The following DNAH12 variants were observed in gnomAD, a reference collection of about 807,000 sequenced individuals.
DNAH12 encodes axonemal beta dynein heavy chain 12.
DNAH12 carries 285 observed loss-of-function variants against 371.5 expected under a neutral mutation model. That is an observed-to-expected ratio of 0.77 (90% CI 0.70 to 0.85). The LOEUF (loss-of-function observed/expected upper bound fraction) is 0.85, where lower values mean the gene tolerates loss of function less well. DNAH12 is among the 40% of genes least tolerant of loss of function. DNAH12 has a pLI of 0.00. For synonymous variants in DNAH12, 1,200 were observed against 1,213.0 expected, an observed-to-expected ratio of 0.99 and a Z score of 0.22; for missense variants, 3,611 against 3,689.4, an observed-to-expected ratio of 0.98 and a Z score of 0.55.
intron 62 of DNAH12, among the ~76,000 whole-genome samples, chr3:57,328,671 C>T (rs1175886931): frequency 1.4e-5 from 2 of 143,790 alleles, no homozygotes; most frequent in South Asian, 4.7e-4. Context: ...TGCCCTCTCT[C>T]ACCACTCCTA....
intron 65 of DNAH12, among the ~76,000 whole-genome samples, chr3:57,316,905 AC>A (rs1485716026): frequency 4.6e-5 from 7 of 152,136 alleles, no homozygotes; most frequent in Admixed American, 4.6e-4. Flanking sequence ...TTTATAAATT[AC>A]CCAGTCTCAG....
chr3:57,323,062 G>C lies in DNAH12; in HGVS notation c.10328C>G (p.Ser3443Cys), dbSNP rs918398116. The C allele has an allele frequency of 1.2e-5, 18 of 1,552,302 alleles. No individual in the cohort carries two copies. The highest frequency in any genetic ancestry group is 1.7e-4 in the Middle Eastern group (1 of 6,020). Residue 3443 changes from serine (S) to cysteine (C), a missense_variant, in exon 64 of 74, where the codon TCT (serine) becomes TGT (cysteine). Physicochemically the swap from Ser to Cys is moderately radical, Grantham distance 112. Transcript: ENST00000495027. ...MLEKICEDFT[S>C]ETCNSSFRLW... ...CCTAAAGGATGAGTTACAGGTTTCAGAGGTAAAATCTTCACATATTTTTTC... is the reference window on the plus strand; with the variant it reads ...CCTAAAGGATGAGTTACAGGTTTCACAGGTAAAATCTTCACATATTTTTTC...
At chr3:57,444,651 G>A (rs2065418897) in intron 29 of DNAH12, 46 bp downstream of exon 29, 1 of 1,540,328 alleles carries the variant, frequency 6.5e-7, no homozygotes, top group African/African-American at 1.4e-5. Context: ...TGAGTCATCG[G>A]ATGAATTTAT....
At chr3:57,489,897 C>T (rs1275028748) in intron 11 of DNAH12, among the ~76,000 whole-genome samples, 1 of 151,968 alleles carries the variant, frequency 6.6e-6, no homozygotes, top group Non-Finnish European at 1.5e-5. Context: ...ATATCCAATA[C>T]GATACCATTC....
intron 60 of DNAH12, among the ~76,000 whole-genome samples, chr3:57,335,533 TG>T (rs1199248862): frequency 5.9e-5 from 9 of 152,214 alleles, no homozygotes; most frequent in African/African-American, 2.2e-4. Flanking sequence ...CAAATCTAGA[TG>T]GTGTATATGG....
At chr3:57,387,654 C>G (rs1359129865) in intron 45 of DNAH12, among the ~76,000 whole-genome samples, 1 of 152,118 alleles carries the variant, frequency 6.6e-6, no homozygotes, top group Non-Finnish European at 1.5e-5. Flanking sequence ...CCTAGACTCC[C>G]TTGGAATTCA....
Position 57,360,674 on chromosome 3 carries a change from C to T in DNAH12, c.9360+2920G>A, listed in dbSNP as rs1030545909. 9.3e-5 allele frequency among the ~76,000 whole-genome samples: 11 copies of T among 118,532 alleles called. 1 individual carries two copies. The South Asian group carries it at 2.1e-3, about 23-fold the overall frequency. The allele number at this position is 118,532 out of a possible 152,430, so 77.8% of individuals were successfully genotyped here. On this transcript the variant is annotated intron_variant, in intron 58 of 73. Coordinates refer to ENST00000495027, the MANE Select transcript of DNAH12 (RefSeq NM_001366028.2). ...TGTACTATAGCCTGGGCAACAAGAG[C>T]GAAACTCTGTAACAACAACAACAAC... is the stretch of plus-strand genomic sequence containing the variant.
intron 60 of DNAH12, among the ~76,000 whole-genome samples, chr3:57,336,456 T>C (rs2062224490): frequency 6.6e-6 from 1 of 151,926 alleles, no homozygotes; most frequent in Admixed American, 6.6e-5. Context: ...AAATACATAA[T>C]CTGTTATAGG....
rs2061355835 is a variant in DNAH12, at chr3:57,301,896, C to T, written c.11233G>A (p.Ala3745Thr). The part of the protein sequence containing the change: ...IRNTLRDLEK[A>T]IKGVVVMDSA... Reference sequence around the variant, plus strand: ...TCCATCACAACCACACCCTTAATAGCTTTTTCAAGGTCCCGTAGAGTGTTA... The same window carrying T: ...TCCATCACAACCACACCCTTAATAGTTTTTTCAAGGTCCCGTAGAGTGTTA... The change falls in exon 70 of 74, where the codon GCT becomes ACT. Residue 3745 changes from alanine (A) to threonine (T), a missense_variant. Physicochemically the swap from Ala to Thr is moderately conservative, Grantham distance 58 (BLOSUM62 0). Coordinates refer to ENST00000495027, the MANE Select transcript of DNAH12 (RefSeq NM_001366028.2). 5 of 1,551,576 alleles carry T rather than the reference C, an allele frequency of 3.2e-6. No individual in the cohort carries two copies. Among genetic ancestry groups the T allele is most frequent in the Non-Finnish European group, 2.6e-6 (3 of 1,146,980 alleles).
At position 57,415,009 on chromosome 3, in the gene DNAH12, T is replaced by G. The variant is rs78595612; in HGVS notation, c.5853+417A>C. Among the ~76,000 whole-genome samples the G allele has an allele frequency of 4.4e-3, 664 of 152,256 alleles. 3 individuals are homozygous for G. The highest frequency in any genetic ancestry group is 6.8e-3 in the Middle Eastern group (2 of 294). On this transcript the variant is annotated intron_variant, in intron 38 of 73. Transcript: ENST00000495027. Reference sequence around the variant, plus strand: ...TGGTTCCTGTCACAGGCCCATGGTTTGAAAGGTCCAGGGAGCAGCAAATGC... The same window carrying G: ...TGGTTCCTGTCACAGGCCCATGGTTGGAAAGGTCCAGGGAGCAGCAAATGC...
At chr3:57,470,770 G>T in intron 15 of DNAH12, 134 bp from the exon 16 acceptor site, 1 of 762,386 alleles carries the variant, frequency 1.3e-6, no homozygotes, top group Non-Finnish European at 2.0e-6. Context: ...GCAGTGGCGT[G>T]ATCTGGGCTC....
chr3:57,403,349 G>A lies in DNAH12; in HGVS notation c.6908C>T (p.Ser2303Phe). The A allele has an allele frequency of 1.3e-6, 2 of 1,550,864 alleles. No individual in the cohort carries two copies. Among genetic ancestry groups the A allele is most frequent in the Non-Finnish European group, 1.7e-6 (2 of 1,146,672 alleles). Residue 2303 changes from serine to phenylalanine, a missense_variant, in exon 43 of 74, where the codon TCT (serine) becomes TTT (phenylalanine). Physicochemically the swap from Ser to Phe is radical, Grantham distance 155. Coordinates refer to ENST00000495027, the MANE Select transcript of DNAH12 (RefSeq NM_001366028.2). ...AKMHIFQPEI[S>F]KSYGMNEWRE... ...CCATTCATTCATACCATAGCTCTTA[G>A]AAATTTCTGGTTGGAAAATATGCAT...
intron 10 of DNAH12, among the ~76,000 whole-genome samples, chr3:57,501,969 C>T (rs532010795): frequency 6.6e-6 from 1 of 151,714 alleles, no homozygotes; most frequent in African/African-American, 2.4e-5. Flanking sequence ...AGCAGTGGCG[C>T]GATCTCGGCT....
Position 57,332,837 on chromosome 3 carries a change from A to C in DNAH12, c.9978+1628T>G, listed in dbSNP as rs777630132. ...GGACTCATTCAGGTTCCCAAAAGCCATAGAGAGTCCTTAGTGATCGCTTGG... is the reference window on the plus strand; with the variant it reads ...GGACTCATTCAGGTTCCCAAAAGCCCTAGAGAGTCCTTAGTGATCGCTTGG... On this transcript the variant is annotated intron_variant, in intron 62 of 73. Transcript: ENST00000495027. 1.4e-4 allele frequency among the ~76,000 whole-genome samples: 22 copies of C among 152,298 alleles called. 2 individuals carry two copies. Among genetic ancestry groups the C allele is most frequent in the Middle Eastern group, 6.8e-3 (2 of 294 alleles).
chr3:57,507,934 A>G (rs1358476126), intron 7 of DNAH12, 96 bp from the exon 8 acceptor site: 5 of 1,124,942 alleles, frequency 4.4e-6, no homozygotes, highest in South Asian at 1.7e-5. Context: ...CACACCTGTA[A>G]TCTCAGCACT....
chr3:57,507,952 G>T, intron 7 of DNAH12, 114 bp from the exon 8 acceptor site: 1 of 889,648 alleles, frequency 1.1e-6, no homozygotes, highest in Non-Finnish European at 1.6e-6. Flanking sequence ...ACTTTGGGAG[G>T]CTGAGGCAGG....
In DNAH12 at chr3:57,313,516, C is replaced by T. The variant is rs112497644; in HGVS notation, c.10662+978G>A. On this transcript the variant is annotated intron_variant, in intron 66 of 73. Transcript: ENST00000495027. ...AAAAATACAAAAAGTTAGCCAAGCA[C>T]AGTGGCACACAACTGTAGTCCAAGC... is the stretch of plus-strand genomic sequence containing the variant. Among the ~76,000 whole-genome samples, 1,490 of 152,218 alleles carry T rather than the reference C, an allele frequency of 9.8e-3. 16 individuals are homozygous for T. The highest frequency in any genetic ancestry group is 0.034 in the African/African-American group (1,419 of 41,520).
At chr3:57,451,904 G>C (rs1391025863) in intron 25 of DNAH12, among the ~76,000 whole-genome samples, 5 of 152,212 alleles carry the variant, frequency 3.3e-5, no homozygotes, top group African/African-American at 1.2e-4. Context: ...TGAGTGGGGA[G>C]AAGTAATGCA....
intron 43 of DNAH12, among the ~76,000 whole-genome samples, chr3:57,396,589 G>A (rs1175397237): frequency 2.0e-5 from 3 of 151,884 alleles, no homozygotes; most frequent in African/African-American, 4.8e-5. Flanking sequence ...CCAAGTATCT[G>A]AGATTACAGG....
Sources: allele counts gnomAD v4.1 joint callset (sites outside exome capture counted in the v4.1 genomes callset), GRCh38; gene constraint gnomAD v4.1.1; transcripts MANE v1.5; gene names NCBI Gene and HGNC (gene_info 2026-07-23, HGNC 2026-07-21).